Variants in KCNMA1 observed in about 807,000 individuals in gnomAD.
The protein encoded by KCNMA1 is Calcium-activated potassium channel subunit alpha-1.
KCNMA1 carries 29 observed loss-of-function variants against 140.0 expected under a neutral mutation model. The ratio of observed to expected loss-of-function variants is 0.21; its 90% CI spans 0.15 to 0.28. The LOEUF (loss-of-function observed/expected upper bound fraction) is 0.28, where lower values mean the gene tolerates loss of function less well. Among genes scored for constraint, KCNMA1 ranks in the 10% least tolerant of loss-of-function variants. The probability of loss-of-function intolerance (pLI) is 1.00; values close to 1 mark genes in which losing one functional copy is unlikely to be tolerated. For missense variants in KCNMA1, 880 were observed against 1,602.2 expected, an observed-to-expected ratio of 0.55 and a Z score of 7.70; for synonymous variants, 612 against 611.9, an observed-to-expected ratio of 1.00 and a Z score of 0.00.
chr10:77,345,053 C>A (rs1418345500), intron 2 of KCNMA1, among the ~76,000 whole-genome samples: 3 of 152,168 alleles, frequency 2.0e-5, no homozygotes, highest in African/African-American at 4.8e-5. Context: ...CAAGGTTATA[C>A]AGATATTGTA....
intron 2 of KCNMA1, 73 bp from the exon 3 acceptor site, chr10:77,251,329 G>A (rs576674374): frequency 7.1e-5 from 84 of 1,183,810 alleles, no homozygotes; most frequent in Middle Eastern, 5.6e-4. Context: ...GACACATACC[G>A]AAGCAGCTTT....
chr10:77,129,493 C>G (rs1276786366), intron 5 of KCNMA1, among the ~76,000 whole-genome samples: 1 of 152,128 alleles, frequency 6.6e-6, no homozygotes, highest in East Asian at 1.9e-4. Context: ...GTAATCTACC[C>G]TCTAAGCACA....
chr10:77,551,921 C>T (rs1272522603), intron 1 of KCNMA1, among the ~76,000 whole-genome samples: 1 of 152,110 alleles, frequency 6.6e-6, no homozygotes, highest in East Asian at 1.9e-4. Flanking sequence ...ATGGTTAGAA[C>T]AGACCAGCCC....
intron 1 of KCNMA1, among the ~76,000 whole-genome samples, chr10:77,411,803 C>T (rs562972548): frequency 1.3e-5 from 2 of 152,178 alleles, no homozygotes; most frequent in Non-Finnish European, 2.9e-5. Flanking sequence ...AGAACCTGCC[C>T]GGAACCATAA....
Position 77,382,879 on chromosome 10 carries a change from A to T in KCNMA1, c.540+20983T>A, listed in dbSNP as rs1425394662. 3.6e-3 allele frequency among the ~76,000 whole-genome samples: 404 copies of T among 113,314 alleles called. 7 individuals carry two copies. Among genetic ancestry groups the T allele is most frequent in the Non-Finnish European group, 6.2e-3 (317 of 51,204 alleles). 74.3% of individuals were successfully genotyped at this position (113,314 alleles called of 152,430 possible). A position where few individuals can be genotyped will look rare whatever the true frequency, so the allele number is the denominator to read the frequency against. ...AAGCTCCGTCTCAAAAAAAAAAAAAAAAAAAAATATATATATATATATATA... is the reference window on the plus strand; with the variant it reads ...AAGCTCCGTCTCAAAAAAAAAAAAATAAAAAAATATATATATATATATATA... On this transcript the variant is annotated intron_variant, in intron 2 of 27. Coordinates refer to ENST00000286628, the MANE Select transcript of KCNMA1 (RefSeq NM_001161352.2).
chr10:77,561,816 C>A (rs1455864824), intron 1 of KCNMA1, among the ~76,000 whole-genome samples: 6 of 152,182 alleles, frequency 3.9e-5, no homozygotes, highest in African/African-American at 1.4e-4. Context: ...GCACTTAGGG[C>A]AATGTCTATT....
chr10:76,967,781 G>A (rs992753774), intron 20 of KCNMA1, among the ~76,000 whole-genome samples: 20 of 152,298 alleles, frequency 1.3e-4, no homozygotes, highest in Admixed American at 2.6e-4. Context: ...TGAGAAGCCC[G>A]AGTTCTGTAG....
At chr10:76,986,434 T>G (rs2081288639) in intron 19 of KCNMA1, among the ~76,000 whole-genome samples, 1 of 152,228 alleles carries the variant, frequency 6.6e-6, no homozygotes, top group Admixed American at 6.5e-5. Context: ...GACAGGGAGC[T>G]TGACTAGGAG....
chr10:76,979,374 T>A (rs565360946), intron 19 of KCNMA1: 1 of 152,318 alleles, frequency 6.6e-6, no homozygotes, highest in Non-Finnish European at 1.5e-5. Flanking sequence ...ACATCCCACA[T>A]CAAATCCTCC....
At chr10:77,475,129 C>T (rs890282140) in intron 1 of KCNMA1, among the ~76,000 whole-genome samples, 39 of 152,170 alleles carry the variant, frequency 2.6e-4, no homozygotes, top group Admixed American at 2.4e-3. Flanking sequence ...GTCCCCCTCC[C>T]GGGCATCTGT....
intron 1 of KCNMA1, among the ~76,000 whole-genome samples, chr10:77,444,838 G>C (rs768172004): frequency 6.6e-6 from 1 of 152,152 alleles, no homozygotes; most frequent in African/African-American, 2.4e-5. Flanking sequence ...AAGAGTTACC[G>C]AGTCCCTTCT....
intron 1 of KCNMA1, among the ~76,000 whole-genome samples, chr10:77,601,259 A>G (rs1344029710): frequency 6.6e-6 from 1 of 152,104 alleles, no homozygotes; most frequent in Non-Finnish European, 1.5e-5. Flanking sequence ...GAACTAGCAC[A>G]CTCACATCCA....
chr10:77,169,062 C>T (rs775632865), intron 5 of KCNMA1, among the ~76,000 whole-genome samples: 10 of 152,170 alleles, frequency 6.6e-5, no homozygotes, highest in Admixed American at 2.0e-4. Flanking sequence ...CTTATAAAAA[C>T]ACAACCACAT....
chr10:77,315,259 C>G (rs1359588164), intron 2 of KCNMA1, among the ~76,000 whole-genome samples: 2 of 152,206 alleles, frequency 1.3e-5, no homozygotes, highest in Admixed American at 6.5e-5. Context: ...TGAGCTGCAG[C>G]CAGGCTGTTT....
At chr10:77,314,923 AACACACACACACAC>A (rs3998084) in intron 2 of KCNMA1, among the ~76,000 whole-genome samples, 1,499 of 146,228 alleles carry the variant, frequency 0.01, 11 homozygotes, top group Middle Eastern at 0.024. Flanking sequence ...CCACACCCCC[AACACACACACACAC>A]ACACACACAC....
chr10:77,217,287 T>C (rs1354293394), intron 3 of KCNMA1, among the ~76,000 whole-genome samples: 1 of 149,950 alleles, frequency 6.7e-6, no homozygotes, highest in Non-Finnish European at 1.5e-5. Context: ...CCTGGGTGAC[T>C]CTGTCTCAAA....
At chr10:77,372,126 A>G (rs2094773321) in intron 2 of KCNMA1, among the ~76,000 whole-genome samples, 1 of 152,202 alleles carries the variant, frequency 6.6e-6, no homozygotes, top group Non-Finnish European at 1.5e-5. Context: ...TTGTTTGGTC[A>G]GGAGCTATCA....
At chr10:77,619,700 C>A (rs1439780981) in intron 1 of KCNMA1, among the ~76,000 whole-genome samples, 1 of 152,148 alleles carries the variant, frequency 6.6e-6, no homozygotes, top group Non-Finnish European at 1.5e-5. Flanking sequence ...GCCCTGTCCA[C>A]AAGGAGCTGT....
Position 77,141,303 on chromosome 10 carries a change from A to G in KCNMA1, c.809-20255T>C, listed in dbSNP as rs1216941323. Among the ~76,000 whole-genome samples the G allele has an allele frequency of 1.3e-5, 2 of 151,922 alleles. 1 individual carries two copies. The highest frequency in any genetic ancestry group is 4.2e-4 in the South Asian group (2 of 4,802). ...TTAGTTCTCTGTTACAGGCTACATTATGGACCCCCATCCCTGCCAAAGTCG... is the reference window on the plus strand; with the variant it reads ...TTAGTTCTCTGTTACAGGCTACATTGTGGACCCCCATCCCTGCCAAAGTCG... On this transcript the variant is annotated intron_variant, in intron 5 of 27. Coordinates refer to ENST00000286628, the MANE Select transcript of KCNMA1 (RefSeq NM_001161352.2).
Sources: allele counts gnomAD v4.1 joint callset (sites outside exome capture counted in the v4.1 genomes callset), GRCh38; gene constraint gnomAD v4.1.1; transcripts MANE v1.5; gene names NCBI Gene and HGNC (gene_info 2026-07-23, HGNC 2026-07-21).